Variants in IGF1R observed in about 807,000 individuals in gnomAD.
The protein encoded by IGF1R is insulin-like growth factor 1 receptor.
IGF1R carries 44 observed loss-of-function variants against 144.6 expected under a neutral mutation model. That is an observed-to-expected ratio of 0.30 (90% CI 0.24 to 0.39). IGF1R has a LOEUF of 0.39. IGF1R is among the 10% of genes least tolerant of loss of function. The pLI is 1.00. For missense variants in IGF1R, 1,355 were observed against 1,833.7 expected (o/e 0.74, Z 4.77); for synonymous variants, 795 against 722.8 (o/e 1.10, Z -1.60).
chr15:98,875,196 C>T (rs1836680219), intron 2 of IGF1R, among the ~76,000 whole-genome samples: 1 of 124,240 alleles, frequency 8.0e-6, no homozygotes, highest in African/African-American at 3.1e-5. Context: ...TCCTACAAAG[C>T]TTATTTCTTT....
intron 5 of IGF1R, among the ~76,000 whole-genome samples, chr15:98,907,077 G>A (rs1375322928): frequency 6.6e-6 from 1 of 152,198 alleles, no homozygotes; most frequent in Non-Finnish European, 1.5e-5. Context: ...GTTGTCCTAC[G>A]AGTGAGTAAA....
At chr15:98,789,073 T>C (rs946555894) in intron 2 of IGF1R, among the ~76,000 whole-genome samples, 2 of 152,238 alleles carry the variant, frequency 1.3e-5, no homozygotes, top group African/African-American at 4.8e-5. Context: ...TGGCTCAGTT[T>C]ACTTGTTCCA....
chr15:98,749,907 T>TA (rs2054965694), intron 2 of IGF1R, among the ~76,000 whole-genome samples: 8 of 149,824 alleles, frequency 5.3e-5, no homozygotes, highest in Admixed American at 5.3e-4. Flanking sequence ...TTTTTTGGCT[T>TA]AAAAAAAGAA....
intron 2 of IGF1R, among the ~76,000 whole-genome samples, chr15:98,809,159 G>A (rs549411942): frequency 2.6e-5 from 4 of 152,272 alleles, no homozygotes; most frequent in East Asian, 3.9e-4. Context: ...TTGACACTCC[G>A]GGGGCACCCT....
intron 2 of IGF1R, among the ~76,000 whole-genome samples, chr15:98,814,431 A>ACCTCAAACTCCTGGGCTTAAGCGAT (rs2056653775): frequency 6.6e-6 from 1 of 152,158 alleles, no homozygotes; most frequent in African/African-American, 2.4e-5. Flanking sequence ...GCTCACTGCA[A>ACCTCAAACTCCTGGGCTTAAGCGAT]CCTCAAACTC....
intron 10 of IGF1R, among the ~76,000 whole-genome samples, chr15:98,919,338 C>T (rs1181420699): frequency 1.3e-5 from 2 of 152,134 alleles, no homozygotes; most frequent in South Asian, 2.1e-4. Flanking sequence ...GCAGGCTGGG[C>T]GGGAAGTTTG....
At chr15:98,768,781 A>AAAAAT (rs57798044) in intron 2 of IGF1R, among the ~76,000 whole-genome samples, 1 of 145,372 alleles carries the variant, frequency 6.9e-6, no homozygotes, top group Non-Finnish European at 1.5e-5. Flanking sequence ...AAAAAAAAAA[A>AAAAAT]GCCGGGCGCG....
intron 2 of IGF1R, among the ~76,000 whole-genome samples, chr15:98,845,264 T>C (rs537817294): frequency 7.2e-5 from 11 of 152,320 alleles, no homozygotes; most frequent in Admixed American, 7.2e-4. Flanking sequence ...TCATTTACCC[T>C]GGATCAGATA....
At chr15:98,916,157 G>A (rs779074688) in intron 9 of IGF1R, 26 bp downstream of exon 9, 22 of 1,612,722 alleles carry the variant, frequency 1.4e-5, no homozygotes, top group South Asian at 5.5e-5. Context: ...CGGCCTGGAC[G>A]GAGGGTGTGA....
Position 98,685,127 on chromosome 15 carries a change from A to AAAT in IGF1R, c.95-22435_95-22434insAAT, listed in dbSNP as rs527267367. Among the ~76,000 whole-genome samples the AAAT allele has an allele frequency of 3.9e-3, 589 of 151,880 alleles. 9 individuals are homozygous for AAAT. In the East Asian group the frequency reaches 0.045, roughly 11 times the overall value. On this transcript the variant is annotated intron_variant, in intron 1 of 20. Transcript: ENST00000650285. ...CTGGCTAATTTTTAACATTTTTTGT[A>AAAT]GAGATGGGAGTCTCACTATGTTGCC...
intron 1 of IGF1R, among the ~76,000 whole-genome samples, chr15:98,667,958 G>C (rs1482927633): frequency 6.6e-6 from 1 of 152,106 alleles, no homozygotes; most frequent in Admixed American, 6.5e-5. Context: ...GGGCTGTATG[G>C]ATGTCTTAGC....
At chr15:98,788,596 A>G (rs2056060031) in intron 2 of IGF1R, among the ~76,000 whole-genome samples, 1 of 152,222 alleles carries the variant, frequency 6.6e-6, no homozygotes, top group South Asian at 2.1e-4. Flanking sequence ...ATGCATGTAA[A>G]TAACTTCACA....
intron 2 of IGF1R, among the ~76,000 whole-genome samples, chr15:98,865,641 A>G (rs1000513743): frequency 6.6e-6 from 1 of 152,100 alleles, no homozygotes; most frequent in Admixed American, 6.5e-5. Context: ...TAATTCTTTA[A>G]TTTTGATATT....
At chr15:98,826,707 T>C (rs527533758) in intron 2 of IGF1R, among the ~76,000 whole-genome samples, 1 of 152,358 alleles carries the variant, frequency 6.6e-6, no homozygotes, top group African/African-American at 2.4e-5. Flanking sequence ...TGTTTATCAG[T>C]GACATATGTA....
At chr15:98,877,414 A>G (rs150610982) in intron 2 of IGF1R, among the ~76,000 whole-genome samples, 1 of 151,752 alleles carries the variant, frequency 6.6e-6, no homozygotes, top group South Asian at 2.1e-4. Flanking sequence ...AGCCTCACCA[A>G]CAGCCACAGA....
At chr15:98,800,092 G>T (rs550199538) in intron 2 of IGF1R, among the ~76,000 whole-genome samples, 1 of 152,048 alleles carries the variant, frequency 6.6e-6, no homozygotes, top group Admixed American at 6.6e-5. Flanking sequence ...GTAGCCTCTC[G>T]TTTCTCATGG....
intron 2 of IGF1R, among the ~76,000 whole-genome samples, chr15:98,713,138 G>T (rs1213263041): frequency 6.6e-6 from 1 of 151,932 alleles, no homozygotes; most frequent in East Asian, 1.9e-4. Flanking sequence ...CCGAACTCTA[G>T]CCTTGCCTTT....
intron 2 of IGF1R, among the ~76,000 whole-genome samples, chr15:98,812,078 T>G (rs1164255381): frequency 3.3e-5 from 5 of 152,230 alleles, no homozygotes; most frequent in African/African-American, 4.8e-5. Flanking sequence ...TTTGATAAAG[T>G]ATAGTTTAAT....
At chr15:98,784,869 T>C (rs1449796762) in intron 2 of IGF1R, among the ~76,000 whole-genome samples, 1 of 152,238 alleles carries the variant, frequency 6.6e-6, no homozygotes, top group Non-Finnish European at 1.5e-5. Flanking sequence ...TGCCATTTTA[T>C]TGCAGAGACT....
Sources: allele counts gnomAD v4.1 joint callset (sites outside exome capture counted in the v4.1 genomes callset), GRCh38; gene constraint gnomAD v4.1.1; transcripts MANE v1.5; gene names NCBI Gene and HGNC (gene_info 2026-07-23, HGNC 2026-07-21).